Variants in PIP5K1C observed in about 807,000 individuals in gnomAD.
The protein encoded by PIP5K1C is phosphatidylinositol-4-phosphate 5-kinase type 1 gamma.
In PIP5K1C, 45 loss-of-function variants were observed where a neutral mutation model predicts 80.1. The observed-to-expected ratio is 0.56, with a 90% CI of 0.44 to 0.72. The LOEUF is 0.72. PIP5K1C is among the 30% of genes least tolerant of loss of function. The pLI is 0.00. For missense variants in PIP5K1C, 753 were observed against 954.6 expected (o/e 0.79, Z 2.78); for synonymous variants, 498 against 420.1 (o/e 1.19, Z -2.27).
At chr19:3,654,131 T>A (rs1181962975) in intron 6 of PIP5K1C, among the ~76,000 whole-genome samples, 1 of 152,156 alleles carries the variant, frequency 6.6e-6, no homozygotes, top group Non-Finnish European at 1.5e-5. Context: ...CCTCCGAAAG[T>A]GCCAGGACTC....
At position 3,648,300 on chromosome 19, in the gene PIP5K1C, G is replaced by A. The variant is rs1174757664; in HGVS notation, c.1211+325C>T. On this transcript the variant is annotated intron_variant, in intron 9 of 17. Coordinates refer to ENST00000335312, the MANE Select transcript of PIP5K1C (RefSeq NM_012398.3). This position sits in a 1 kb window ranked among gnomAD's most constrained non-coding sequence, Gnocchi z 4.3. ...GGCCTCCCACAGTGCTAGATTACAGGTGTGGACCACTACGCCCAACTCACT... is the reference window on the plus strand; with the variant it reads ...GGCCTCCCACAGTGCTAGATTACAGATGTGGACCACTACGCCCAACTCACT... Among the ~76,000 whole-genome samples the A allele has an allele frequency of 6.6e-6, 1 of 152,220 alleles. No individual in the cohort carries two copies. Among genetic ancestry groups the A allele is most frequent in the South Asian group, 2.1e-4 (1 of 4,834 alleles).
At chr19:3,633,311 G>C in intron 17 of PIP5K1C, 126 bp downstream of exon 17, 1 of 705,770 alleles carries the variant, frequency 1.4e-6, no homozygotes, top group Non-Finnish European at 2.4e-6. Flanking sequence ...GCCCAGGGTG[G>C]AGCTCTGGGC....
intron 6 of PIP5K1C, 131 bp from the exon 7 acceptor site, chr19:3,653,720 CG>C: frequency 1.2e-6 from 1 of 825,132 alleles, no homozygotes; most frequent in Non-Finnish European, 1.9e-6. Flanking sequence ...CAGAAGCCCT[CG>C]GGGACCCCGT....
chr19:3,636,167 A>G (rs1162648464), intron 16 of PIP5K1C, among the ~76,000 whole-genome samples: 1 of 152,138 alleles, frequency 6.6e-6, no homozygotes, highest in African/African-American at 2.4e-5. Flanking sequence ...AAAAAATGAA[A>G]AAAAAGAAAG....
intron 8 of PIP5K1C, among the ~76,000 whole-genome samples, chr19:3,650,788 C>T (rs2034412480): frequency 6.6e-6 from 1 of 152,182 alleles, no homozygotes; most frequent in African/African-American, 2.4e-5. Context: ...CAGAGTTTAG[C>T]TCTTGTTGCC....
At chr19:3,676,647 T>TG (rs1288162155) in intron 1 of PIP5K1C, among the ~76,000 whole-genome samples, 1 of 152,090 alleles carries the variant, frequency 6.6e-6, no homozygotes, top group Non-Finnish European at 1.5e-5. Flanking sequence ...GGCCGGGAAA[T>TG]GGGGATTTGG....
At chr19:3,663,840 G>A (rs888332588) in intron 3 of PIP5K1C, among the ~76,000 whole-genome samples, 1 of 152,212 alleles carries the variant, frequency 6.6e-6, no homozygotes, top group Non-Finnish European at 1.5e-5. Context: ...ATGACACCGA[G>A]TTACACGTGA....
At chr19:3,639,112 T>C in intron 15 of PIP5K1C, 96 bp from the exon 16 acceptor site, 3 of 1,422,940 alleles carry the variant, frequency 2.1e-6, no homozygotes, top group Non-Finnish European at 2.9e-6. Context: ...CTTCATACGG[T>C]CATCACGGAG....
chr19:3,662,013 C>T lies in PIP5K1C; in HGVS notation c.220-12G>A, dbSNP rs772046855. On this transcript the variant is annotated splice_polypyrimidine_tract_variant and intron_variant, in intron 3 of 17. Transcript: ENST00000335312. ...GTGGAGGAGGTGGTCTGCAGGGAGA[C>T]CAGAGTGTCAGGGCCCCCGGCTGCT... 9.5e-6 allele frequency: 15 copies of T among 1,581,558 alleles called. No individual in the cohort carries two copies. The African/African-American group carries it at 2.0e-4, about 21-fold the overall frequency.
intron 16 of PIP5K1C, among the ~76,000 whole-genome samples, chr19:3,634,884 C>T (rs1599913634): frequency 2.6e-5 from 4 of 152,266 alleles, no homozygotes; most frequent in African/African-American, 7.2e-5. Flanking sequence ...GGCCGCATCG[C>T]GGAGGACTGA....
chr19:3,655,936 C>T (rs992219084), intron 6 of PIP5K1C, among the ~76,000 whole-genome samples: 1 of 152,234 alleles, frequency 6.6e-6, no homozygotes, highest in Non-Finnish European at 1.5e-5. Flanking sequence ...GAGGGGTGGG[C>T]CGGATGGAGC....
chr19:3,643,842 C>T (rs1434318253), intron 12 of PIP5K1C, among the ~76,000 whole-genome samples: 1 of 152,108 alleles, frequency 6.6e-6, no homozygotes, highest in Non-Finnish European at 1.5e-5. Context: ...CCTCAGATGA[C>T]AGTGGCCGTG....
intron 1 of PIP5K1C, among the ~76,000 whole-genome samples, chr19:3,689,139 C>T (rs2035867773): frequency 6.6e-6 from 1 of 152,190 alleles, no homozygotes; most frequent in Non-Finnish European, 1.5e-5. Flanking sequence ...TATTCTCCCA[C>T]CTCAGCCTCC....
intron 3 of PIP5K1C, 67 bp from the exon 4 acceptor site, chr19:3,662,068 A>G: frequency 6.6e-7 from 1 of 1,517,920 alleles, no homozygotes; most frequent in East Asian, 2.5e-5. Context: ...CCCTGTGTGC[A>G]CCGGGGGGTG....
chr19:3,651,113 GGT>G (rs1231167408), intron 8 of PIP5K1C, among the ~76,000 whole-genome samples: 1 of 149,978 alleles, frequency 6.7e-6, no homozygotes, highest in Non-Finnish European at 1.5e-5. Context: ...GGAGTGCAGT[GGT>G]GTGATCTTGG....
intron 3 of PIP5K1C, 38 bp from the exon 4 acceptor site, chr19:3,662,039 C>G (rs898504764): frequency 1.3e-6 from 2 of 1,549,166 alleles, no homozygotes; most frequent in South Asian, 1.2e-5. Flanking sequence ...CCCGGCTGCT[C>G]CCCACGCTGC....
chr19:3,633,728 CG>C (rs142302973), intron 16 of PIP5K1C, among the ~76,000 whole-genome samples: 2,358 of 152,200 alleles, frequency 0.015, 62 homozygotes, highest in African/African-American at 0.054. Context: ...CTCAGCTTGG[CG>C]GGGCGGGGCA....
intron 5 of PIP5K1C, among the ~76,000 whole-genome samples, chr19:3,659,486 GTC>G (rs1568332822): frequency 2.0e-5 from 3 of 152,214 alleles, no homozygotes; most frequent in South Asian, 2.1e-4. Flanking sequence ...CACGGGTGCT[GTC>G]TCTCTGCTAC....
chr19:3,662,538 G>A (rs1027311371), intron 3 of PIP5K1C, among the ~76,000 whole-genome samples: 1 of 152,092 alleles, frequency 6.6e-6, no homozygotes, highest in African/African-American at 2.4e-5. Context: ...GCCCTCTTGC[G>A]GACGTGGTGT....
Sources: allele counts gnomAD v4.1 joint callset (sites outside exome capture counted in the v4.1 genomes callset), GRCh38; gene constraint gnomAD v4.1.1; non-coding constraint Gnocchi (gnomAD v3.1); transcripts MANE v1.5; gene names NCBI Gene and HGNC (gene_info 2026-07-23, HGNC 2026-07-21).